TTC28: variants seen among roughly 807,000 people sequenced by gnomAD.
TTC28 encodes tetratricopeptide repeat protein 28.
Under a neutral mutation model 198.0 loss-of-function variants are expected in TTC28, and 61 were observed. That is an observed-to-expected ratio of 0.31 (90% CI 0.25 to 0.38). The LOEUF is 0.38. TTC28 is among the 10% of genes least tolerant of loss of function. The pLI is 1.00. For synonymous variants in TTC28, 1,171 were observed against 1,297.8 expected (o/e 0.90, Z 2.10); for missense variants, 2,678 against 3,164.0 (o/e 0.85, Z 3.69).
In TTC28 at chr22:27,990,725, A is replaced by T. The variant is rs1044549622; in HGVS notation, c.5577+64T>A. ...CCCGAGCTCAGAGCCTGCCCAGGGG[A>T]ACTCGGGGGTGGGTGGGTTGAGGGG... On this transcript the variant is annotated intron_variant, in intron 20 of 22. Transcript: ENST00000397906. The T allele has an allele frequency of 8.7e-5, 130 of 1,501,104 alleles. 1 individual carries two copies. In the South Asian group the frequency reaches 1.6e-3, roughly 18 times the overall value. 93.0% of individuals were successfully genotyped at this position (1,501,104 alleles called of 1,614,324 possible). A position where few individuals can be genotyped will look rare whatever the true frequency, so the allele number is the denominator to read the frequency against.
chr22:28,099,992 G>C (rs1601618779), intron 9 of TTC28, among the ~76,000 whole-genome samples: 1 of 152,232 alleles, frequency 6.6e-6, no homozygotes, highest in African/African-American at 2.4e-5. Context: ...ATTCCTAACG[G>C]AGACATTGTC....
At chr22:28,468,220 A>G (rs1048481478) in intron 2 of TTC28, among the ~76,000 whole-genome samples, 4 of 152,198 alleles carry the variant, frequency 2.6e-5, no homozygotes, top group African/African-American at 7.2e-5. Context: ...AAAAAGCTGA[A>G]TGGATCCCTG....
At chr22:28,091,538 G>A (rs1261256169) in intron 12 of TTC28, among the ~76,000 whole-genome samples, 1 of 152,086 alleles carries the variant, frequency 6.6e-6, no homozygotes, top group African/African-American at 2.4e-5. Context: ...ACATGAAAAA[G>A]GGAAAGGTAG....
At chr22:28,083,941 C>T in intron 12 of TTC28, among the ~76,000 whole-genome samples, 1 of 152,244 alleles carries the variant, frequency 6.6e-6, no homozygotes, top group East Asian at 1.9e-4. Context: ...GATCAAACTG[C>T]AAGGCGGAAG....
intron 2 of TTC28, among the ~76,000 whole-genome samples, chr22:28,536,517 G>A (rs1376469726): frequency 6.6e-6 from 1 of 151,826 alleles, no homozygotes; most frequent in Non-Finnish European, 1.5e-5. Flanking sequence ...CCGGCTACTC[G>A]CGAGGCTGAG....
chr22:28,456,095 G>C (rs1393871937), intron 2 of TTC28, among the ~76,000 whole-genome samples: 1 of 151,264 alleles, frequency 6.6e-6, no homozygotes, highest in Non-Finnish European at 1.5e-5. Context: ...GGAGGTGGAG[G>C]TTGCAGTGAG....
At chr22:28,585,675 T>C (rs1372126910) in intron 2 of TTC28, among the ~76,000 whole-genome samples, 1 of 152,086 alleles carries the variant, frequency 6.6e-6, no homozygotes, top group Non-Finnish European at 1.5e-5. Context: ...TTTATAGAAA[T>C]TAAGCCTCAG....
intron 1 of TTC28, among the ~76,000 whole-genome samples, chr22:28,636,306 T>C (rs372980541): frequency 6.6e-5 from 10 of 151,954 alleles, no homozygotes; most frequent in Non-Finnish European, 1.3e-4. Flanking sequence ...TTTGTATTTT[T>C]AGTAGAGACG....
At chr22:28,586,301 G>C (rs1008955989) in intron 2 of TTC28, among the ~76,000 whole-genome samples, 11 of 150,732 alleles carry the variant, frequency 7.3e-5, no homozygotes, top group Non-Finnish European at 1.6e-4. Flanking sequence ...AAGAAAGAAA[G>C]TAGTAAGAAA....
intron 10 of TTC28, 52 bp from the exon 11 acceptor site, chr22:28,096,460 G>T (rs1941978198): frequency 6.5e-7 from 1 of 1,538,614 alleles, no homozygotes; most frequent in South Asian, 1.2e-5. Context: ...TGCTTACTTA[G>T]AGAGGCCTAT....
At chr22:28,421,413 GAAA>G (rs1029507082) in intron 2 of TTC28, among the ~76,000 whole-genome samples, 24 of 151,846 alleles carry the variant, frequency 1.6e-4, no homozygotes, top group African/African-American at 5.8e-4. Context: ...TTGACTTTTT[GAAA>G]AAAATTACAA....
chr22:28,084,624 G>A (rs1397197650), intron 12 of TTC28, among the ~76,000 whole-genome samples: 2 of 152,168 alleles, frequency 1.3e-5, no homozygotes, highest in African/African-American at 2.4e-5. Context: ...CCAAAGAAAC[G>A]CAGCTCCTCA....
At chr22:28,191,214 T>G (rs1377914634) in intron 5 of TTC28, among the ~76,000 whole-genome samples, 1 of 152,170 alleles carries the variant, frequency 6.6e-6, no homozygotes, top group Non-Finnish European at 1.5e-5. Context: ...TTGATTCAAA[T>G]TATGCTAAAG....
chr22:28,268,137 G>A (rs1195867363), intron 5 of TTC28, among the ~76,000 whole-genome samples: 1 of 152,146 alleles, frequency 6.6e-6, no homozygotes, highest in African/African-American at 2.4e-5. Flanking sequence ...TTACTGGAGA[G>A]TTTACTTAAA....
intron 12 of TTC28, among the ~76,000 whole-genome samples, chr22:28,090,080 G>A (rs1020291490): frequency 5.9e-5 from 9 of 151,874 alleles, no homozygotes; most frequent in African/African-American, 2.2e-4. Flanking sequence ...AAACCTGCAC[G>A]TTGTGCACAT....
At chr22:28,670,239 A>G (rs1692498981) in intron 1 of TTC28, among the ~76,000 whole-genome samples, 1 of 152,192 alleles carries the variant, frequency 6.6e-6, no homozygotes. Context: ...AATCCAGTTC[A>G]GTGTCTTTTG....
intron 2 of TTC28, among the ~76,000 whole-genome samples, chr22:28,429,735 G>T (rs547932457): frequency 5.9e-5 from 9 of 152,064 alleles, no homozygotes; most frequent in African/African-American, 2.2e-4. Context: ...TGGTATAATT[G>T]AATACTTAAA....
At position 28,391,537 on chromosome 22, in the gene TTC28, G is replaced by A. The variant is rs577143702; in HGVS notation, c.382-84894C>T. ...CCCATATTTCTTGGAGGTTTTGCTC[G>A]TTTCTTTTTATTCTTTTTTCTCTAA... On this transcript the variant is annotated intron_variant, in intron 2 of 22. Transcript: ENST00000397906. Among the ~76,000 whole-genome samples the A allele has an allele frequency of 5.9e-5, 9 of 152,074 alleles. No homozygotes were observed. The East Asian group carries it at 7.7e-4, about 13-fold the overall frequency.
chr22:28,039,729 A>T (rs1339419433), intron 12 of TTC28, among the ~76,000 whole-genome samples: 1 of 152,202 alleles, frequency 6.6e-6, no homozygotes, highest in Non-Finnish European at 1.5e-5. Context: ...GCAAGAAATA[A>T]CTAAGATCAG....
Sources: allele counts gnomAD v4.1 joint callset (sites outside exome capture counted in the v4.1 genomes callset), GRCh38; gene constraint gnomAD v4.1.1; transcripts MANE v1.5; gene names NCBI Gene and HGNC (gene_info 2026-07-23, HGNC 2026-07-21).